Variants in CNTN3 observed in about 807,000 individuals in gnomAD.
CNTN3 encodes contactin-3.
In CNTN3, 60 loss-of-function variants were observed where a neutral mutation model predicts 119.1. That is an observed-to-expected ratio of 0.50 (90% CI 0.41 to 0.62). CNTN3 has a LOEUF of 0.62. CNTN3 is among the 20% of genes least tolerant of loss of function. The probability of loss-of-function intolerance (pLI) is 0.00; values close to 1 mark genes in which losing one functional copy is unlikely to be tolerated. For missense variants in CNTN3, 1,101 were observed against 1,242.4 expected (o/e 0.89, Z 1.71); for synonymous variants, 450 against 438.7 (o/e 1.03, Z -0.32).
intron 5 of CNTN3, among the ~76,000 whole-genome samples, chr3:74,403,105 G>A (rs548775121): frequency 2.2e-4 from 33 of 152,262 alleles, no homozygotes; most frequent in Admixed American, 1.8e-3. Flanking sequence ...CTGAAGTGTT[G>A]CAAGCAAGGG....
rs1290022994 is a variant in CNTN3, at chr3:74,364,605, T to C, written c.1084-9A>G. The C allele has an allele frequency of 6.3e-7, 1 of 1,590,834 alleles. No homozygotes were observed. Among genetic ancestry groups the C allele is most frequent in the Admixed American group, 1.7e-5 (1 of 59,142 alleles). The stretch of plus-strand genomic sequence containing the variant: ...TCTATCTGTGTTCTCTCCTAGATGA[T>C]AATAAAAATATCTTTCATATAAACA... On this transcript the variant is annotated splice_polypyrimidine_tract_variant and intron_variant, in intron 9 of 22. Coordinates refer to ENST00000263665, the MANE Select transcript of CNTN3 (RefSeq NM_020872.3).
chr3:74,311,762 T>A (rs1469174034), intron 13 of CNTN3, among the ~76,000 whole-genome samples: 1 of 152,058 alleles, frequency 6.6e-6, no homozygotes, highest in East Asian at 1.9e-4. Context: ...TAACAACAAA[T>A]AAAGAGCTGA....
intron 20 of CNTN3, among the ~76,000 whole-genome samples, chr3:74,273,982 G>A (rs1346058253): frequency 6.6e-6 from 1 of 152,114 alleles, no homozygotes; most frequent in African/African-American, 2.4e-5. Context: ...CACAGTGGGA[G>A]TGAGACTGGC....
Position 74,324,793 on chromosome 3 carries a change from G to GA in CNTN3, c.1668+9941dup, listed in dbSNP as rs201763929. Among the ~76,000 whole-genome samples the GA allele has an allele frequency of 7.7e-3, 1,154 of 149,528 alleles. 7 individuals are homozygous for GA. Among genetic ancestry groups the GA allele is most frequent in the African/African-American group, 0.023 (922 of 40,842 alleles). ...TAGACTTGTTTGATTACTCAAAAAT[G>GA]AAAAAAAAAATTCTGAAAGATGTAA... is the stretch of plus-strand genomic sequence containing the variant. On this transcript the variant is annotated intron_variant, in intron 13 of 22. Coordinates refer to ENST00000263665, the MANE Select transcript of CNTN3 (RefSeq NM_020872.3).
intron 5 of CNTN3, among the ~76,000 whole-genome samples, chr3:74,396,465 T>C (rs982034214): frequency 2.0e-5 from 3 of 152,158 alleles, no homozygotes; most frequent in African/African-American, 4.8e-5. Context: ...AGGCCCTAAC[T>C]TTCTTCAACT....
intron 5 of CNTN3, among the ~76,000 whole-genome samples, chr3:74,410,151 T>G (rs1253051639): frequency 1.3e-5 from 2 of 152,222 alleles, no homozygotes; most frequent in Non-Finnish European, 2.9e-5. Context: ...CTTGTTCTAA[T>G]AGCCCATAAA....
At chr3:74,437,797 G>A (rs1701896043) in intron 4 of CNTN3, among the ~76,000 whole-genome samples, 1 of 151,726 alleles carries the variant, frequency 6.6e-6, no homozygotes, top group Admixed American at 6.6e-5. Context: ...CACATTCTTT[G>A]TTTTGAAATG....
chr3:74,523,931 G>A (rs1703578973), intron 1 of CNTN3, among the ~76,000 whole-genome samples: 1 of 151,864 alleles, frequency 6.6e-6, no homozygotes, highest in South Asian at 2.1e-4. Flanking sequence ...TTCACAGGAG[G>A]CTTTCAAGCA....
At position 74,325,833 on chromosome 3, in the gene CNTN3, G is replaced by T. The variant is rs117534177; in HGVS notation, c.1668+8902C>A. Among the ~76,000 whole-genome samples, 234 of 152,240 alleles carry T rather than the reference G, an allele frequency of 1.5e-3. 4 individuals are homozygous for T. In the East Asian group the frequency reaches 0.04, roughly 26 times the overall value. On this transcript the variant is annotated intron_variant, in intron 13 of 22. Coordinates refer to ENST00000263665, the MANE Select transcript of CNTN3 (RefSeq NM_020872.3). ...ATTCTGTTTCAGATTTTGGAATGATGAAACTATATGTGTGTCACACCAATC... is the reference window on the plus strand; with the variant it reads ...ATTCTGTTTCAGATTTTGGAATGATTAAACTATATGTGTGTCACACCAATC...
chr3:74,319,313 CAG>C (rs1702919979), intron 13 of CNTN3, among the ~76,000 whole-genome samples: 1 of 152,142 alleles, frequency 6.6e-6, no homozygotes. Context: ...GGTACCAAAA[CAG>C]AGATATAGAT....
chr3:74,276,392 G>T (rs1301816398), intron 20 of CNTN3, among the ~76,000 whole-genome samples: 3 of 152,052 alleles, frequency 2.0e-5, no homozygotes, highest in Non-Finnish European at 4.4e-5. Flanking sequence ...GATAGGCTAT[G>T]AAATGAGCTT....
At chr3:74,468,972 A>G (rs2106995522) in intron 4 of CNTN3, among the ~76,000 whole-genome samples, 1 of 152,330 alleles carries the variant, frequency 6.6e-6, no homozygotes, top group African/African-American at 2.4e-5. Flanking sequence ...TCTAAAGGCC[A>G]TTGTTATACT....
chr3:74,508,247 C>T (rs1460048377), intron 2 of CNTN3, among the ~76,000 whole-genome samples: 1 of 152,124 alleles, frequency 6.6e-6, no homozygotes. Context: ...CTTCCTGACA[C>T]CGTGTGAAGA....
intron 20 of CNTN3, among the ~76,000 whole-genome samples, chr3:74,275,694 A>T (rs1304799426): frequency 4.8e-5 from 7 of 146,900 alleles, no homozygotes; most frequent in Non-Finnish European, 9.0e-5. Context: ...AAGGACCTAT[A>T]AAAAAAAAAT....
At chr3:74,474,626 TGG>T (rs1702621477) in intron 4 of CNTN3, among the ~76,000 whole-genome samples, 2 of 152,120 alleles carry the variant, frequency 1.3e-5, no homozygotes, top group African/African-American at 4.8e-5. Context: ...CCCAAGTAGC[TGG>T]GACTACCAGC....
At chr3:74,316,437 A>G (rs1702831938) in intron 13 of CNTN3, among the ~76,000 whole-genome samples, 1 of 152,200 alleles carries the variant, frequency 6.6e-6, no homozygotes, top group Admixed American at 6.5e-5. Flanking sequence ...GAGATTTCCC[A>G]AAGAAGGAAA....
intron 5 of CNTN3, among the ~76,000 whole-genome samples, chr3:74,387,689 C>T (rs571350953): frequency 7.9e-5 from 12 of 152,318 alleles, no homozygotes; most frequent in East Asian, 1.9e-4. Context: ...TAGACTGTCT[C>T]TAATCTTAAG....
At chr3:74,609,558 G>A (rs1259571072) in intron 1 of CNTN3, among the ~76,000 whole-genome samples, 1 of 152,150 alleles carries the variant, frequency 6.6e-6, no homozygotes, top group Non-Finnish European at 1.5e-5. Flanking sequence ...GGATTGAGAG[G>A]AAAAATGATA....
chr3:74,270,203 A>T (rs1701744570), intron 20 of CNTN3, among the ~76,000 whole-genome samples: 1 of 152,114 alleles, frequency 6.6e-6, no homozygotes, highest in South Asian at 2.1e-4. Flanking sequence ...AATAGGCATA[A>T]TTCTCCTTCT....
Sources: gnomAD v4.1 joint callset for allele counts (sites outside exome capture counted in the v4.1 genomes callset) on GRCh38, gnomAD v4.1.1 for gene constraint, MANE v1.5 for transcripts, NCBI Gene and HGNC (gene_info 2026-07-23, HGNC 2026-07-21) for gene names.